The following BTBD8 variants were observed in gnomAD, a reference collection of about 807,000 sequenced individuals.
The protein encoded by BTBD8 is BTB domain containing 8, also known as BTB/POZ domain-containing protein 8.
Under a neutral mutation model 162.9 loss-of-function variants are expected in BTBD8, and 110 were observed. That is an observed-to-expected ratio of 0.68 (90% CI 0.58 to 0.79). The LOEUF (loss-of-function observed/expected upper bound fraction) is 0.79, where lower values mean the gene tolerates loss of function less well. Ranked by LOEUF, BTBD8 falls within the 30% of genes least tolerant of loss-of-function variation. The probability of loss-of-function intolerance (pLI) is 0.00; values close to 1 mark genes in which losing one functional copy is unlikely to be tolerated. For missense variants in BTBD8, 1,905 were observed against 2,085.4 expected (o/e 0.91, Z 1.68); for synonymous variants, 667 against 716.1 (o/e 0.93, Z 1.10).
At chr1:92,180,212 C>G in intron 16 of BTBD8, 53 bp from the exon 17 acceptor site, 1 of 1,274,820 alleles carries the variant, frequency 7.8e-7, no homozygotes, top group Non-Finnish European at 1.1e-6. Context: ...AAATTTTACT[C>G]ACAAATTGGA....
chr1:92,160,528 C>T (rs1650253348), intron 9 of BTBD8, among the ~76,000 whole-genome samples: 2 of 152,112 alleles, frequency 1.3e-5, no homozygotes, highest in African/African-American at 4.8e-5. Flanking sequence ...TTCAGGGCCT[C>T]TCAAACCTTC....
intron 1 of BTBD8, among the ~76,000 whole-genome samples, chr1:92,081,025 A>G (rs543278590): frequency 2.5e-4 from 38 of 152,372 alleles, no homozygotes; most frequent in African/African-American, 8.2e-4. Context: ...GTTGTTTCCA[A>G]TCACTAAGGT....
Position 92,080,536 on chromosome 1 carries a change from G to C in BTBD8, c.-36G>C. ...TCCTGGGCGGGGCAAGTGAGGCCAA[G>C]TACTGGGCCTCCAGGGCGTCGTACC... On this transcript the variant is annotated 5_prime_UTR_variant, in exon 1 of 18. Coordinates refer to ENST00000636805, the MANE Select transcript of BTBD8 (RefSeq NM_001376131.1). The C allele has an allele frequency of 6.2e-7, 1 of 1,610,798 alleles. No individual in the cohort carries two copies. The highest frequency in any genetic ancestry group is 8.5e-7 in the Non-Finnish European group (1 of 1,179,132).
intron 13 of BTBD8, among the ~76,000 whole-genome samples, chr1:92,175,477 C>CGAAAA (rs1650685307): frequency 2.7e-5 from 1 of 37,438 alleles, no homozygotes; most frequent in African/African-American, 9.8e-5. Context: ...GACTCCATCT[C>CGAAAA]AAAAAAAAAA....
rs750354533 is a variant in BTBD8, at chr1:92,181,379, G to T, written c.3696G>T (p.Val1232=). 4.5e-6 allele frequency: 7 copies of T among 1,551,508 alleles called. No homozygotes were observed. The highest frequency in any genetic ancestry group is 5.2e-6 in the Non-Finnish European group (6 of 1,146,974). Reference sequence around the variant, plus strand: ...ATGAAACTCCAGAAACTCCATTTGTGGGTCACTGGAATTTGAGTACTGGTG... The same window carrying T: ...ATGAAACTCCAGAAACTCCATTTGTTGGTCACTGGAATTTGAGTACTGGTG... ...ESHETPETPF[V]GHWNLSTGVL... The change falls in exon 17 of 18, where the codon GTG becomes GTT. Residue 1232 remains valine (V), a synonymous_variant. Coordinates refer to ENST00000636805, the MANE Select transcript of BTBD8 (RefSeq NM_001376131.1).
chr1:92,086,102 G>A (rs1389191659), intron 1 of BTBD8, among the ~76,000 whole-genome samples: 1 of 152,164 alleles, frequency 6.6e-6, no homozygotes, highest in Non-Finnish European at 1.5e-5. Context: ...TTGAGATAGT[G>A]GGAAACATGT....
intron 4 of BTBD8, among the ~76,000 whole-genome samples, chr1:92,117,947 A>C (rs1649090111): frequency 6.6e-6 from 1 of 151,996 alleles, no homozygotes; most frequent in Admixed American, 6.5e-5. Flanking sequence ...GAAGGTAGGG[A>C]AGTCCTATAC....
At chr1:92,111,316 G>A (rs1270034821) in intron 4 of BTBD8, among the ~76,000 whole-genome samples, 3 of 152,068 alleles carry the variant, frequency 2.0e-5, no homozygotes, top group African/African-American at 7.2e-5. Context: ...CTTGAGCTTT[G>A]TGACACTCAA....
Position 92,102,544 on chromosome 1 carries a change from T to C in BTBD8, c.419T>C (p.Ile140Thr), listed in dbSNP as rs1329078903. The C allele has an allele frequency of 6.3e-7, 1 of 1,590,366 alleles. No homozygotes were observed. The highest frequency in any genetic ancestry group is 2.3e-5 in the East Asian group (1 of 43,804). The change falls in exon 3 of 18, where the codon ATT (isoleucine) becomes ACT (threonine). Residue 140 changes from isoleucine to threonine, a missense_variant. Around this residue, in one of 3 missense-constraint regions of BTBD8, gnomAD observed 1,374 missense variants for 1,442.7 expected, o/e 0.95. Coordinates refer to ENST00000636805, the MANE Select transcript of BTBD8 (RefSeq NM_001376131.1). ...ATTCTTAGGAAAAAGATAATGGAGA[T>C]TGGGATATCACAAAAGCAACTTGAC... ...EEILRKKIME[I>T]GISQKQLDIS... is the part of the protein sequence containing the mutation.
chr1:92,141,010 GATT>G lies in BTBD8; in HGVS notation c.834-101_834-99del, dbSNP rs1649763241. On this transcript the variant is annotated intron_variant, in intron 6 of 17. Transcript: ENST00000636805. Reference sequence around the variant, plus strand: ...AGAAAATTAGAATTAAAATATTTCAGATTATTCTTTTTTAAAAACAGACTATAT... The same window carrying G: ...AGAAAATTAGAATTAAAATATTTCAGATTCTTTTTTAAAAACAGACTATAT... The G allele has an allele frequency of 1.1e-5, 13 of 1,136,536 alleles. No individual in the cohort carries two copies. In the South Asian group the frequency reaches 3.0e-4, roughly 26 times the overall value. The allele number at this position is 1,136,536 out of a possible 1,614,324, so 70.4% of individuals were successfully genotyped here.
chr1:92,167,166 A>G, intron 10 of BTBD8, 26 bp downstream of exon 10: 10 of 1,546,636 alleles, frequency 6.5e-6, no homozygotes, highest in Non-Finnish European at 8.7e-6. Context: ...TATATCCTAT[A>G]TTTAGTTCCA....
At position 92,181,743 on chromosome 1, in the gene BTBD8, G is replaced by A; in HGVS notation, c.4060G>A (p.Ala1354Thr). Residue 1354 changes from alanine to threonine, a missense_variant, in exon 17 of 18, where the codon GCA becomes ACA. By Grantham distance (58) the Ala-to-Thr change is moderately conservative. Coordinates refer to ENST00000636805, the MANE Select transcript of BTBD8 (RefSeq NM_001376131.1). ...AAGGCCAGAAATTTGGTCTCGATCT[G>A]CAATAGTTCACTCTAGGGAAAGAGA... is the stretch of plus-strand genomic sequence containing the variant. ...RKRPEIWSRS[A>T]IVHSRERENI... is the part of the protein sequence containing the mutation. 1 of 1,551,498 alleles carries A rather than the reference G, an allele frequency of 6.4e-7. No homozygotes were observed. The highest frequency in any genetic ancestry group is 1.2e-5 in the South Asian group (1 of 84,062).
At chr1:92,129,924 A>C (rs1287958366) in intron 5 of BTBD8, 148 bp downstream of exon 5, 1 of 696,098 alleles carries the variant, frequency 1.4e-6, no homozygotes, top group Non-Finnish European at 2.5e-6. Context: ...TGAAACGGGA[A>C]GTAATAGAGA....
intron 17 of BTBD8, among the ~76,000 whole-genome samples, chr1:92,183,266 C>T (rs1211177781): frequency 2.6e-5 from 4 of 152,016 alleles, no homozygotes; most frequent in Non-Finnish European, 5.9e-5. Context: ...ACTAATGACC[C>T]ACATTTAAAA....
At chr1:92,133,568 A>G (rs972707034) in intron 5 of BTBD8, among the ~76,000 whole-genome samples, 1 of 152,206 alleles carries the variant, frequency 6.6e-6, no homozygotes, top group Non-Finnish European at 1.5e-5. Flanking sequence ...TACAGAAGGA[A>G]CCACCATATT....
chr1:92,135,453 C>G (rs1053894361), intron 5 of BTBD8, among the ~76,000 whole-genome samples: 5 of 152,196 alleles, frequency 3.3e-5, no homozygotes, highest in Admixed American at 1.3e-4. Flanking sequence ...GATCTTAGAT[C>G]TTTGTCCTAA....
intron 9 of BTBD8, among the ~76,000 whole-genome samples, chr1:92,154,129 C>A (rs1204603112): frequency 1.3e-5 from 2 of 152,132 alleles, no homozygotes; most frequent in Non-Finnish European, 2.9e-5. Context: ...TCCTCCGTTA[C>A]CTTCCACTAT....
At chr1:92,137,999 G>A (rs1557453022) in intron 5 of BTBD8, among the ~76,000 whole-genome samples, 1 of 152,158 alleles carries the variant, frequency 6.6e-6, no homozygotes, top group Non-Finnish European at 1.5e-5. Context: ...GTTTGGAAAG[G>A]AAGCTCATTG....
At chr1:92,090,052 AT>A (rs1648257810) in intron 2 of BTBD8, among the ~76,000 whole-genome samples, 1 of 152,128 alleles carries the variant, frequency 6.6e-6, no homozygotes, top group Non-Finnish European at 1.5e-5. Flanking sequence ...TGCCATTTAA[AT>A]TGTTTCTATT....
Sources: allele counts gnomAD v4.1 joint callset (sites outside exome capture counted in the v4.1 genomes callset), GRCh38; gene constraint gnomAD v4.1.1; regional missense constraint gnomAD v4.1.1; transcripts MANE v1.5; gene names NCBI Gene and HGNC (gene_info 2026-07-23, HGNC 2026-07-21).